The following PRKN variants were observed in gnomAD, a reference collection of about 807,000 sequenced individuals.
PRKN encodes the protein E3 ubiquitin-protein ligase parkin.
A neutral mutation model predicts 59.5 loss-of-function variants in PRKN; 56 were observed. The ratio of observed to expected loss-of-function variants is 0.94; its 90% confidence interval spans 0.76 to 1.18. The LOEUF (loss-of-function observed/expected upper bound fraction) is 1.18, where lower values mean the gene tolerates loss of function less well. Ranked by LOEUF, PRKN falls within the 50% of genes most tolerant of loss-of-function variation. The probability of loss-of-function intolerance (pLI) is 0.00; values close to 1 mark genes in which losing one functional copy is unlikely to be tolerated. For synonymous variants in PRKN, 250 were observed against 222.1 expected (o/e 1.13, Z -1.12); for missense variants, 657 against 596.4 (o/e 1.10, Z -1.06).
intron 5 of PRKN, among the ~76,000 whole-genome samples, chr6:162,025,349 G>C (rs931786410): frequency 3.3e-5 from 5 of 152,046 alleles, no homozygotes; most frequent in Non-Finnish European, 7.4e-5. Context: ...CAGAAGATTA[G>C]TATACTCTCA....
chr6:162,486,334 A>T (rs771864762), intron 1 of PRKN, among the ~76,000 whole-genome samples: 4 of 152,206 alleles, frequency 2.6e-5, no homozygotes, highest in Admixed American at 2.0e-4. Context: ...TTCCATTTGT[A>T]CTCAATAATG....
chr6:162,560,744 C>A (rs1779798662), intron 1 of PRKN, among the ~76,000 whole-genome samples: 1 of 149,108 alleles, frequency 6.7e-6, no homozygotes, highest in Non-Finnish European at 1.5e-5. Flanking sequence ...CCATTGCCAA[C>A]ATATATTCAT....
intron 2 of PRKN, among the ~76,000 whole-genome samples, chr6:162,338,660 T>C (rs1235471121): frequency 6.6e-6 from 1 of 152,062 alleles, no homozygotes; most frequent in Non-Finnish European, 1.5e-5. Flanking sequence ...TTGCAGCCTC[T>C]GCCCGGCCGC....
chr6:161,660,245 G>A lies in PRKN; in HGVS notation c.872-90829C>T, dbSNP rs79796822. 2.6e-5 allele frequency among the ~76,000 whole-genome samples: 4 copies of A among 152,286 alleles called. No individual in the cohort carries two copies. In the East Asian group the frequency reaches 5.8e-4, roughly 22 times the overall value. Reference sequence around the variant, plus strand: ...AGTACGCATTGCTGAGCTGAAGCAGGAGAATCACAGAATTATAGCAGTGCT... The same window carrying A: ...AGTACGCATTGCTGAGCTGAAGCAGAAGAATCACAGAATTATAGCAGTGCT... On this transcript the variant is annotated intron_variant, in intron 7 of 11. Transcript: ENST00000366898.
chr6:162,058,604 T>A (rs1240065765), intron 4 of PRKN, among the ~76,000 whole-genome samples: 1 of 152,192 alleles, frequency 6.6e-6, no homozygotes. Context: ...TTTTTCTGAC[T>A]GACTCATGAC....
At chr6:162,210,181 C>T (rs148164826) in intron 3 of PRKN, among the ~76,000 whole-genome samples, 390 of 151,486 alleles carry the variant, frequency 2.6e-3, no homozygotes, top group African/African-American at 8.7e-3. Context: ...CAAACCCTGG[C>T]CTGGCCTTGT....
chr6:161,917,358 G>A (rs939131001), intron 6 of PRKN, among the ~76,000 whole-genome samples: 7 of 151,812 alleles, frequency 4.6e-5, no homozygotes, highest in Non-Finnish European at 8.8e-5. Flanking sequence ...CACCTACCTC[G>A]TCATCCCAAA....
chr6:161,751,451 T>A (rs1027293314), intron 7 of PRKN, among the ~76,000 whole-genome samples: 1 of 152,220 alleles, frequency 6.6e-6, no homozygotes, highest in Admixed American at 6.5e-5. Context: ...ACTAAATCTG[T>A]ACTACATTAC....
At chr6:162,408,391 A>C (rs937404471) in intron 2 of PRKN, among the ~76,000 whole-genome samples, 1 of 152,186 alleles carries the variant, frequency 6.6e-6, no homozygotes, top group Non-Finnish European at 1.5e-5. Context: ...TTTTGAAAAT[A>C]CAGGTTAATT....
At chr6:161,648,461 G>A (rs1784037864) in intron 7 of PRKN, among the ~76,000 whole-genome samples, 1 of 152,122 alleles carries the variant, frequency 6.6e-6, no homozygotes, top group Admixed American at 6.5e-5. Context: ...ATGTTTATAG[G>A]GGCCAGGGAT....
Position 161,459,220 on chromosome 6 carries a change from C to T in PRKN, c.1084-72343G>A, listed in dbSNP as rs997044618. The stretch of plus-strand genomic sequence containing the variant: ...AGGTTAATTACAGTGGAAACCTGAT[C>T]GAACTTGACAGTCAGTGTGTTTGTG... On this transcript the variant is annotated intron_variant, in intron 9 of 11. Transcript: ENST00000366898. The surrounding 1 kb of genome is among the most constrained non-coding windows in gnomAD (Gnocchi z 4.8). Among the ~76,000 whole-genome samples the T allele has an allele frequency of 2.6e-5, 4 of 152,210 alleles. No homozygotes were observed. The highest frequency in any genetic ancestry group is 1.9e-4 in the East Asian group (1 of 5,192).
At chr6:162,711,261 C>T (rs1296565427) in intron 1 of PRKN, among the ~76,000 whole-genome samples, 6 of 152,162 alleles carry the variant, frequency 3.9e-5, no homozygotes, top group African/African-American at 1.4e-4. Context: ...TGGAAGACTA[C>T]AGACTGGCAG....
intron 1 of PRKN, among the ~76,000 whole-genome samples, chr6:162,693,691 A>T (rs1777863674): frequency 6.6e-6 from 1 of 152,198 alleles, no homozygotes; most frequent in Non-Finnish European, 1.5e-5. Context: ...CAAAATATTC[A>T]AATTATCCAT....
intron 7 of PRKN, among the ~76,000 whole-genome samples, chr6:161,769,615 T>C (rs1270462295): frequency 6.6e-6 from 1 of 152,210 alleles, no homozygotes; most frequent in East Asian, 1.9e-4. Context: ...AAGGTATATA[T>C]AGCCAAATGA....
At chr6:161,709,865 T>C (rs907237634) in intron 7 of PRKN, among the ~76,000 whole-genome samples, 58 of 152,294 alleles carry the variant, frequency 3.8e-4, no homozygotes, top group African/African-American at 1.4e-3. Flanking sequence ...CCAAGATACC[T>C]TAAATGTCTT....
intron 7 of PRKN, among the ~76,000 whole-genome samples, chr6:161,667,921 C>G (rs1784780006): frequency 6.6e-6 from 1 of 152,192 alleles, no homozygotes; most frequent in South Asian, 2.1e-4. Flanking sequence ...TTCAGATAAT[C>G]AAACAATGTT....
At position 161,448,048 on chromosome 6, in the gene PRKN, C is replaced by G. The variant is rs192003612; in HGVS notation, c.1084-61171G>C. Among the ~76,000 whole-genome samples the G allele has an allele frequency of 6.6e-6, 1 of 152,260 alleles. No individual in the cohort carries two copies. The highest frequency in any genetic ancestry group is 1.5e-5 in the Non-Finnish European group (1 of 68,012). ...GTAGGGACCTTGGTCATTGTTATCTCTTTATAATAAAATGCTAAGCAACCC... is the reference window on the plus strand; with the variant it reads ...GTAGGGACCTTGGTCATTGTTATCTGTTTATAATAAAATGCTAAGCAACCC... On this transcript the variant is annotated intron_variant, in intron 9 of 11. Coordinates refer to ENST00000366898, the MANE Select transcript of PRKN (RefSeq NM_004562.3). This position sits in a 1 kb window ranked among gnomAD's most constrained non-coding sequence, Gnocchi z 5.1.
intron 2 of PRKN, among the ~76,000 whole-genome samples, chr6:162,323,623 A>G (rs1459414348): frequency 6.6e-6 from 1 of 152,128 alleles, no homozygotes; most frequent in Non-Finnish European, 1.5e-5. Context: ...CAAAGAAAAT[A>G]CTTGAGTGGC....
intron 6 of PRKN, among the ~76,000 whole-genome samples, chr6:161,854,354 A>G (rs1330223337): frequency 6.6e-6 from 1 of 152,146 alleles, no homozygotes; most frequent in Non-Finnish European, 1.5e-5. Context: ...AAAAAAATTA[A>G]CTGAAAATTC....
Sources: allele counts gnomAD v4.1 joint callset (sites outside exome capture counted in the v4.1 genomes callset), GRCh38; gene constraint gnomAD v4.1.1; non-coding constraint Gnocchi (gnomAD v3.1); transcripts MANE v1.5; gene names NCBI Gene and HGNC (gene_info 2026-07-23, HGNC 2026-07-21).